The following AGBL4 variants were observed in gnomAD, a reference collection of about 807,000 sequenced individuals.
AGBL4 encodes cytosolic carboxypeptidase 6.
A neutral mutation model predicts 66.4 loss-of-function variants in AGBL4; 58 were observed. The observed-to-expected ratio is 0.87, with a 90% CI of 0.71 to 1.09. The LOEUF (loss-of-function observed/expected upper bound fraction) is 1.09, where lower values mean the gene tolerates loss of function less well. AGBL4 is among the 50% of genes least tolerant of loss of function. AGBL4 has a pLI of 0.00. For missense variants in AGBL4, 579 were observed against 631.0 expected, an observed-to-expected ratio of 0.92 and a Z score of 0.88; for synonymous variants, 234 against 222.9, an observed-to-expected ratio of 1.05 and a Z score of -0.44.
intron 11 of AGBL4, among the ~76,000 whole-genome samples, chr1:48,577,056 C>T (rs1214167288): frequency 1.3e-5 from 2 of 152,192 alleles, no homozygotes; most frequent in Non-Finnish European, 1.5e-5. Context: ...ATGTTCCAGG[C>T]GTTCATGCAT....
chr1:49,980,120 A>T (rs147702770), intron 1 of AGBL4, among the ~76,000 whole-genome samples: 2 of 152,296 alleles, frequency 1.3e-5, no homozygotes, highest in African/African-American at 4.8e-5. Flanking sequence ...TCTAGTCAAC[A>T]GTAGGCTATG....
At chr1:49,838,237 A>C (rs1434805585) in intron 2 of AGBL4, among the ~76,000 whole-genome samples, 1 of 152,230 alleles carries the variant, frequency 6.6e-6, no homozygotes, top group Non-Finnish European at 1.5e-5. Flanking sequence ...CGGCTATCCA[A>C]CAATGATGAT....
At chr1:49,556,707 G>A (rs186040293) in intron 3 of AGBL4, among the ~76,000 whole-genome samples, 108 of 152,062 alleles carry the variant, frequency 7.1e-4, no homozygotes, top group African/African-American at 2.4e-3. Context: ...GCTAGGTGCC[G>A]GCACTCTTCA....
chr1:49,785,244 A>G (rs759059295), intron 2 of AGBL4, among the ~76,000 whole-genome samples: 8 of 152,042 alleles, frequency 5.3e-5, no homozygotes, highest in Non-Finnish European at 1.0e-4. Context: ...AAAGAGAAAT[A>G]AGTTTCAATA....
At chr1:48,974,219 A>T (rs1191472020) in intron 5 of AGBL4, among the ~76,000 whole-genome samples, 1 of 152,120 alleles carries the variant, frequency 6.6e-6, no homozygotes, top group Admixed American at 6.6e-5. Flanking sequence ...GGAAAGATAG[A>T]CAAGGCCAAC....
intron 3 of AGBL4, among the ~76,000 whole-genome samples, chr1:49,304,415 T>C (rs1011296740): frequency 1.3e-5 from 2 of 152,232 alleles, no homozygotes; most frequent in Admixed American, 6.5e-5. Flanking sequence ...TTTTGTCTTA[T>C]GACACATAAG....
At chr1:49,862,455 G>A (rs1646597710) in intron 1 of AGBL4, among the ~76,000 whole-genome samples, 1 of 151,644 alleles carries the variant, frequency 6.6e-6, no homozygotes, top group South Asian at 2.1e-4. Flanking sequence ...AGAGAAAGAA[G>A]CGGGGTTAGA....
intron 1 of AGBL4, among the ~76,000 whole-genome samples, chr1:49,972,787 A>G (rs1040546000): frequency 6.6e-6 from 1 of 152,198 alleles, no homozygotes; most frequent in African/African-American, 2.4e-5. Flanking sequence ...AGAAAAAAAC[A>G]TAGTGTATAT....
intron 4 of AGBL4, among the ~76,000 whole-genome samples, chr1:49,193,382 T>C (rs1430567347): frequency 6.6e-6 from 1 of 152,096 alleles, no homozygotes; most frequent in Non-Finnish European, 1.5e-5. Flanking sequence ...TTCACAGATT[T>C]TAGTATATTG....
At chr1:49,389,871 G>C (rs550246144) in intron 3 of AGBL4, among the ~76,000 whole-genome samples, 5 of 152,232 alleles carry the variant, frequency 3.3e-5, no homozygotes, top group African/African-American at 9.6e-5. Context: ...TACTTCACTA[G>C]CTTGACTTAC....
At chr1:49,405,903 C>A (rs1645186057) in intron 3 of AGBL4, among the ~76,000 whole-genome samples, 1 of 152,176 alleles carries the variant, frequency 6.6e-6, no homozygotes, top group Non-Finnish European at 1.5e-5. Flanking sequence ...ATAATATCTG[C>A]ACATTTGGAA....
chr1:48,906,124 G>C (rs1652564113), intron 5 of AGBL4, among the ~76,000 whole-genome samples: 1 of 152,016 alleles, frequency 6.6e-6, no homozygotes, highest in Non-Finnish European at 1.5e-5. Flanking sequence ...ATTTTAGATA[G>C]GGAAGGTAAG....
chr1:49,371,228 T>TATAG (rs71307608), intron 3 of AGBL4, among the ~76,000 whole-genome samples: 47,292 of 146,476 alleles, frequency 0.32, 9,164 homozygotes, highest in Non-Finnish European at 0.44. Context: ...TAGATAGATA[T>TATAG]ATAGATAGAT....
In AGBL4 at chr1:49,514,586, C is replaced by T. The variant is rs954256587; in HGVS notation, c.282+182727G>A. 3.9e-5 allele frequency among the ~76,000 whole-genome samples: 6 copies of T among 152,116 alleles called. No individual in the cohort carries two copies. In the East Asian group the frequency reaches 5.8e-4, roughly 15 times the overall value. The stretch of plus-strand genomic sequence containing the variant: ...AAGAGCCTGCATCACCAAGTCAATC[C>T]GAAGCCAAAAGAACAAAGCTGGAGG... On this transcript the variant is annotated intron_variant, in intron 3 of 13. Transcript: ENST00000371839.
intron 2 of AGBL4, among the ~76,000 whole-genome samples, chr1:49,705,115 G>C (rs1647183698): frequency 6.6e-6 from 1 of 152,080 alleles, no homozygotes; most frequent in Admixed American, 6.6e-5. Flanking sequence ...GCAGTGGTTT[G>C]TAGTTCTACT....
At chr1:49,660,403 ACTAT>A (rs1646245331) in intron 3 of AGBL4, among the ~76,000 whole-genome samples, 1 of 152,246 alleles carries the variant, frequency 6.6e-6, no homozygotes. Context: ...ACAATGAGAT[ACTAT>A]CTTGCACCAG....
chr1:49,600,525 T>C (rs1353196964), intron 3 of AGBL4, among the ~76,000 whole-genome samples: 6 of 152,214 alleles, frequency 3.9e-5, no homozygotes, highest in Non-Finnish European at 7.3e-5. Context: ...GATGGGTCTC[T>C]TGAATACAGA....
At chr1:49,659,996 C>T (rs1646235994) in intron 3 of AGBL4, among the ~76,000 whole-genome samples, 1 of 152,008 alleles carries the variant, frequency 6.6e-6, no homozygotes, top group Non-Finnish European at 1.5e-5. Context: ...ACTATAAAAA[C>T]CCAAGAAGAA....
intron 1 of AGBL4, among the ~76,000 whole-genome samples, chr1:50,007,310 A>G (rs1572048976): frequency 1.3e-5 from 2 of 152,184 alleles, no homozygotes; most frequent in East Asian, 3.8e-4. Context: ...AAGGAAAGAA[A>G]GAAGACCACA....
Sources: gnomAD v4.1 joint callset for allele counts (sites outside exome capture counted in the v4.1 genomes callset) on GRCh38, gnomAD v4.1.1 for gene constraint, MANE v1.5 for transcripts, NCBI Gene and HGNC (gene_info 2026-07-23, HGNC 2026-07-21) for gene names.